Variants in MAP3K5 observed in about 807,000 individuals in gnomAD.
MAP3K5 encodes the protein ASK-1.
In MAP3K5, 56 loss-of-function variants were observed where a neutral mutation model predicts 158.7. The observed-to-expected ratio is 0.35, with a 90% CI of 0.28 to 0.44. The LOEUF is 0.44. MAP3K5 is among the 20% of genes least tolerant of loss of function. MAP3K5 has a pLI of 1.00. For synonymous variants in MAP3K5, 579 were observed against 601.7 expected, an observed-to-expected ratio of 0.96 and a Z score of 0.55; for missense variants, 1,294 against 1,674.8, an observed-to-expected ratio of 0.77 and a Z score of 3.97.
At chr6:136,610,374 G>C (rs1239132515) in intron 18 of MAP3K5, among the ~76,000 whole-genome samples, 2 of 152,086 alleles carry the variant, frequency 1.3e-5, no homozygotes, top group Non-Finnish European at 2.9e-5. Flanking sequence ...AGGCAGCTCA[G>C]TGGTTGCGTT....
chr6:136,599,132 C>G (rs1775762144), intron 21 of MAP3K5, among the ~76,000 whole-genome samples: 1 of 142,506 alleles, frequency 7.0e-6, no homozygotes, highest in Non-Finnish European at 1.5e-5. Flanking sequence ...GATTATGCCA[C>G]TGCACTCCAG....
chr6:136,604,650 A>C (rs764365849), intron 19 of MAP3K5, among the ~76,000 whole-genome samples: 21 of 152,268 alleles, frequency 1.4e-4, no homozygotes, highest in Non-Finnish European at 2.9e-5. Flanking sequence ...GGTACCTCCT[A>C]CTGCAAAAGG....
chr6:136,626,512 C>CA (rs1777043970), intron 14 of MAP3K5, among the ~76,000 whole-genome samples: 1 of 152,194 alleles, frequency 6.6e-6, no homozygotes, highest in African/African-American at 2.4e-5. Flanking sequence ...TGCTCTAACT[C>CA]AGAGTTAAAA....
In MAP3K5 at chr6:136,665,348, AT is replaced by A. The variant is rs11421136; in HGVS notation, c.1366+3934del. On this transcript the variant is annotated intron_variant, in intron 8 of 29. Coordinates refer to ENST00000359015, the MANE Select transcript of MAP3K5 (RefSeq NM_005923.4). ...TGTAGCATAGCTCAAGAAGAGCTGT[AT>A]TTTTTTTTTTTTTTGAGATGGAGTT... Among the ~76,000 whole-genome samples, 419 of 141,954 alleles carry A rather than the reference AT, an allele frequency of 3.0e-3. 1 individual carries two copies. The highest frequency in any genetic ancestry group is 3.0e-3 in the Non-Finnish European group (197 of 64,802). 93.1% of individuals were successfully genotyped at this position (141,954 alleles called of 152,430 possible).
intron 1 of MAP3K5, among the ~76,000 whole-genome samples, chr6:136,726,646 A>T (rs1272685133): frequency 6.6e-6 from 1 of 151,528 alleles, no homozygotes; most frequent in Non-Finnish European, 1.5e-5. Context: ...GTCGTTTTTT[A>T]ATTAGTATTT....
At chr6:136,637,096 C>T (rs1453965853) in intron 14 of MAP3K5, 59 of 1,386,300 alleles carry the variant, frequency 4.3e-5, no homozygotes, top group Non-Finnish European at 4.9e-5. Flanking sequence ...TAGTTACTCG[C>T]TATCAGGTAA....
chr6:136,619,368 G>C (rs1286730578), intron 15 of MAP3K5, among the ~76,000 whole-genome samples: 1 of 152,178 alleles, frequency 6.6e-6, no homozygotes, highest in Non-Finnish European at 1.5e-5. Context: ...CATGCTGGTT[G>C]CAATAAGAAT....
chr6:136,676,706 CTTA>C (rs1028288154), intron 7 of MAP3K5, among the ~76,000 whole-genome samples: 7 of 151,042 alleles, frequency 4.6e-5, no homozygotes, highest in Admixed American at 2.0e-4. Flanking sequence ...CATGTTGATA[CTTA>C]TTATTGCCAT....
At chr6:136,729,324 G>A (rs1039214528) in intron 1 of MAP3K5, among the ~76,000 whole-genome samples, 5 of 150,802 alleles carry the variant, frequency 3.3e-5, no homozygotes, top group African/African-American at 1.2e-4. Flanking sequence ...CTGGATGGAT[G>A]ACGTCAGACA....
intron 2 of MAP3K5, among the ~76,000 whole-genome samples, chr6:136,711,913 A>G (rs1583461140): frequency 6.6e-6 from 1 of 152,162 alleles, no homozygotes; most frequent in Non-Finnish European, 1.5e-5. Flanking sequence ...TCTGTTATTC[A>G]TGACGGGGGC....
chr6:136,729,916 T>C (rs1782136176), intron 1 of MAP3K5, among the ~76,000 whole-genome samples: 1 of 152,208 alleles, frequency 6.6e-6, no homozygotes, highest in African/African-American at 2.4e-5. Context: ...GTTTCTGCTT[T>C]GAACGTCATA....
At chr6:136,599,175 G>T (rs1410262117) in intron 21 of MAP3K5, among the ~76,000 whole-genome samples, 1 of 148,930 alleles carries the variant, frequency 6.7e-6, no homozygotes, top group African/African-American at 2.4e-5. Flanking sequence ...AAAAGGGGGG[G>T]GGGGCGTGGA....
Position 136,582,179 on chromosome 6 carries a change from C to T in MAP3K5, c.3411+1376G>A, listed in dbSNP as rs145791664. On this transcript the variant is annotated intron_variant, in intron 24 of 29. Transcript: ENST00000359015. ...CTCTTTATTACATAGCAAATTACAT[C>T]ATAGGGCCCATACTTTGGGTTCATT... Among the ~76,000 whole-genome samples, 620 of 152,070 alleles carry T rather than the reference C, an allele frequency of 4.1e-3. 12 individuals are homozygous for T. The highest frequency in any genetic ancestry group is 3.4e-3 in the Middle Eastern group (1 of 292).
At chr6:136,744,651 G>A (rs1819155) in intron 1 of MAP3K5, among the ~76,000 whole-genome samples, 77,811 of 151,812 alleles carry the variant, frequency 0.51, 20,405 homozygotes, top group African/African-American at 0.63. Context: ...CCCCTCACCA[G>A]CACCTACACC....
chr6:136,605,082 C>CT, intron 19 of MAP3K5, 127 bp downstream of exon 19: 1 of 886,386 alleles, frequency 1.1e-6, no homozygotes, highest in Non-Finnish European at 1.7e-6. Context: ...TCTTCTTGAC[C>CT]TTTAATGTGT....
chr6:136,716,230 T>C (rs1015945305), intron 2 of MAP3K5, among the ~76,000 whole-genome samples: 1 of 151,996 alleles, frequency 6.6e-6, no homozygotes, highest in African/African-American at 2.4e-5. Flanking sequence ...GATATGCTCA[T>C]TTGATATTAT....
chr6:136,679,079 T>G (rs543975927), intron 7 of MAP3K5, among the ~76,000 whole-genome samples: 1 of 152,366 alleles, frequency 6.6e-6, no homozygotes, highest in East Asian at 1.9e-4. Flanking sequence ...TTAAAAGATG[T>G]AAACTTCTCT....
At chr6:136,780,855 G>A (rs1377936153) in intron 1 of MAP3K5, among the ~76,000 whole-genome samples, 1 of 152,048 alleles carries the variant, frequency 6.6e-6, no homozygotes, top group Non-Finnish European at 1.5e-5. Flanking sequence ...AGAGAGGAAT[G>A]GGGAATGTAG....
At chr6:136,628,349 C>A (rs963051128) in intron 14 of MAP3K5, among the ~76,000 whole-genome samples, 15 of 151,784 alleles carry the variant, frequency 9.9e-5, no homozygotes, top group African/African-American at 3.6e-4. Context: ...CTGGCCTCAA[C>A]TGATCCTGCT....
Sources: gnomAD v4.1 joint callset for allele counts (sites outside exome capture counted in the v4.1 genomes callset) on GRCh38, gnomAD v4.1.1 for gene constraint, MANE v1.5 for transcripts, NCBI Gene and HGNC (gene_info 2026-07-23, HGNC 2026-07-21) for gene names.